AFF3: variants seen among roughly 807,000 people sequenced by gnomAD.
AFF3 encodes ALF transcription elongation factor 3, also known as AF4/FMR2 family member 3.
Under a neutral mutation model 129.7 loss-of-function variants are expected in AFF3, and 32 were observed. That is an observed-to-expected ratio of 0.25 (90% confidence interval 0.19 to 0.33). The LOEUF is 0.33. Among genes scored for constraint, AFF3 ranks in the 10% least tolerant of loss-of-function variants. The pLI is 1.00. For missense variants in AFF3, 1,373 were observed against 1,592.0 expected (o/e 0.86, Z 2.34); for synonymous variants, 644 against 635.4 (o/e 1.01, Z -0.20).
intron 4 of AFF3, among the ~76,000 whole-genome samples, chr2:100,057,320 CAAAAAA>C (rs57672976): frequency 1.8e-5 from 1 of 55,072 alleles, no homozygotes; most frequent in African/African-American, 7.1e-5. Flanking sequence ...GACTCTGTCT[CAAAAAA>C]AAAAAAAAAA....
intron 8 of AFF3, among the ~76,000 whole-genome samples, chr2:99,791,896 C>G (rs1240682173): frequency 6.6e-6 from 1 of 151,008 alleles, no homozygotes; most frequent in Non-Finnish European, 1.5e-5. Flanking sequence ...GTCTAGTGAT[C>G]CCAAGTGCAA....
At chr2:99,597,837 A>G (rs1679440896) in intron 14 of AFF3, among the ~76,000 whole-genome samples, 1 of 152,128 alleles carries the variant, frequency 6.6e-6, no homozygotes. Context: ...ATTTTCAGCC[A>G]TGACTCTCCT....
chr2:99,689,347 T>C (rs942445050), intron 11 of AFF3, among the ~76,000 whole-genome samples: 1 of 152,138 alleles, frequency 6.6e-6, no homozygotes, highest in African/African-American at 2.4e-5. Flanking sequence ...AAAGTCTTTA[T>C]AGTTCCACTT....
At chr2:99,647,615 C>T (rs542062750) in intron 13 of AFF3, among the ~76,000 whole-genome samples, 187 of 152,094 alleles carry the variant, frequency 1.2e-3, no homozygotes, top group African/African-American at 4.4e-3. Context: ...CCTGCATATC[C>T]TGCACATGTG....
chr2:99,974,852 T>C (rs1168039647), intron 7 of AFF3, among the ~76,000 whole-genome samples: 1 of 152,162 alleles, frequency 6.6e-6, no homozygotes. Flanking sequence ...CCTTCCCAAA[T>C]TGTGACACGT....
chr2:99,978,816 G>A (rs185201926), intron 7 of AFF3, among the ~76,000 whole-genome samples: 30 of 152,150 alleles, frequency 2.0e-4, no homozygotes, highest in Non-Finnish European at 3.7e-4. Context: ...TTATCTATGC[G>A]GGCAGGCCCT....
chr2:99,590,571 T>A (rs907916777), intron 15 of AFF3, among the ~76,000 whole-genome samples: 2 of 152,192 alleles, frequency 1.3e-5, no homozygotes, highest in Non-Finnish European at 2.9e-5. Flanking sequence ...GACACTTTGG[T>A]GTGAAAATCC....
chr2:99,832,903 C>A (rs537291008), intron 8 of AFF3, among the ~76,000 whole-genome samples: 1 of 152,154 alleles, frequency 6.6e-6, no homozygotes, highest in South Asian at 2.1e-4. Flanking sequence ...ATGATGAAAT[C>A]TTTGCTCTTG....
At chr2:99,721,527 C>CAAA (rs60993398) in intron 11 of AFF3, among the ~76,000 whole-genome samples, 3 of 134,402 alleles carry the variant, frequency 2.2e-5, no homozygotes, top group African/African-American at 5.5e-5. Context: ...GACTCTGTCT[C>CAAA]AAAAAAAAAA....
Position 99,568,884 on chromosome 2 carries a change from C to T in AFF3, c.2950G>A (p.Ala984Thr). The T allele has an allele frequency of 6.2e-7, 1 of 1,614,104 alleles. No individual in the cohort carries two copies. The highest frequency in any genetic ancestry group is 8.5e-7 in the Non-Finnish European group (1 of 1,179,994). The stretch of plus-strand genomic sequence containing the variant: ...TCTGCTTTATGCTTCATTCGTTTAG[C>T]TTCTTGCATAAAATAATCGGCACTG... ...PRSADYFMQE[A>T]KRMKHKADAM... The change falls in exon 19 of 25, where the codon GCT becomes ACT. Residue 984 changes from alanine (A) to threonine (T), a missense_variant. Ala to Thr is a moderately conservative substitution (Grantham distance 58). This residue lies in a region of AFF3 where 65 missense variants were observed against 102.1 expected (regional missense o/e 0.64). Coordinates refer to ENST00000672756, the MANE Select transcript of AFF3 (RefSeq NM_001386135.1).
At chr2:99,767,964 A>G in intron 8 of AFF3, among the ~76,000 whole-genome samples, 1 of 152,148 alleles carries the variant, frequency 6.6e-6, no homozygotes, top group Non-Finnish European at 1.5e-5. Context: ...GGGAATCCCC[A>G]GCCTGGAGCA....
At chr2:99,860,788 G>GTATACC (rs1690929011) in intron 7 of AFF3, among the ~76,000 whole-genome samples, 1 of 151,990 alleles carries the variant, frequency 6.6e-6, no homozygotes, top group Non-Finnish European at 1.5e-5. Context: ...GGTATACAAT[G>GTATACC]TGATCACCTG....
chr2:99,877,103 T>C (rs1692357922), intron 7 of AFF3, among the ~76,000 whole-genome samples: 1 of 152,150 alleles, frequency 6.6e-6, no homozygotes, highest in Non-Finnish European at 1.5e-5. Flanking sequence ...CAGTGAGGAA[T>C]ACACAGATTC....
intron 13 of AFF3, among the ~76,000 whole-genome samples, chr2:99,638,578 C>CG (rs1683893294): frequency 2.0e-5 from 3 of 152,118 alleles, no homozygotes; most frequent in Admixed American, 6.5e-5. Flanking sequence ...CACAGAGGAT[C>CG]TAAGTAACTT....
At chr2:100,104,745 G>A (rs1292796173) in intron 3 of AFF3, 1 of 927,944 alleles carries the variant, frequency 1.1e-6, no homozygotes, top group Non-Finnish European at 1.3e-6. Context: ...CCCGCCCCCG[G>A]CCCTGCGCCC....
At chr2:99,778,148 G>A (rs1684090749) in intron 8 of AFF3, among the ~76,000 whole-genome samples, 1 of 151,890 alleles carries the variant, frequency 6.6e-6, no homozygotes, top group Admixed American at 6.6e-5. Context: ...AGTGACCCCT[G>A]CACATCGCAT....
chr2:99,602,394 T>C (rs1416799218), intron 13 of AFF3, among the ~76,000 whole-genome samples: 1 of 152,224 alleles, frequency 6.6e-6, no homozygotes, highest in Non-Finnish European at 1.5e-5. Context: ...TTTATATCCA[T>C]GCTGAAATTT....
chr2:99,808,812 C>CT (rs1250231224), intron 8 of AFF3, among the ~76,000 whole-genome samples: 5 of 152,216 alleles, frequency 3.3e-5, no homozygotes, highest in African/African-American at 7.2e-5. Context: ...CTATAATGTA[C>CT]TTTCCCCCAA....
chr2:100,114,727 G>A (rs1206509280), intron 2 of AFF3, among the ~76,000 whole-genome samples: 1 of 152,100 alleles, frequency 6.6e-6, no homozygotes, highest in Non-Finnish European at 1.5e-5. Context: ...CTAACAGAAA[G>A]GGTGGGTGCT....
Sources: gnomAD v4.1 joint callset for allele counts (sites outside exome capture counted in the v4.1 genomes callset) on GRCh38, gnomAD v4.1.1 for gene constraint, gnomAD v4.1.1 regional missense constraint, MANE v1.5 for transcripts, NCBI Gene and HGNC (gene_info 2026-07-23, HGNC 2026-07-21) for gene names.